Variants in DNM3 observed in about 807,000 individuals in gnomAD.
The protein encoded by DNM3 is dynamin 3.
In DNM3, 47 loss-of-function variants were observed where a neutral mutation model predicts 101.6. That is an observed-to-expected ratio of 0.46 (90% CI 0.37 to 0.59). DNM3 has a LOEUF of 0.59. DNM3 is among the 20% of genes least tolerant of loss of function. The pLI, the probability that DNM3 is intolerant of heterozygous loss-of-function variation, is 0.00. For synonymous variants in DNM3, 385 were observed against 387.9 expected (o/e 0.99, Z 0.09); for missense variants, 849 against 1,085.7 (o/e 0.78, Z 3.06).
chr1:172,048,539 A>G, intron 9 of DNM3, 73 bp from the exon 10 acceptor site: 1 of 1,483,814 alleles, frequency 6.7e-7, no homozygotes, highest in Non-Finnish European at 9.0e-7. Context: ...GTTAATTTAA[A>G]CATTTTTCAA....
At chr1:172,090,866 C>T (rs2053860234) in intron 12 of DNM3, among the ~76,000 whole-genome samples, 2 of 152,218 alleles carry the variant, frequency 1.3e-5, no homozygotes, top group African/African-American at 2.4e-5. Context: ...GAGCTTTAGT[C>T]TCCCTTTTCT....
At chr1:171,887,425 C>A (rs1433738305) in intron 1 of DNM3, among the ~76,000 whole-genome samples, 1 of 152,064 alleles carries the variant, frequency 6.6e-6, no homozygotes, top group Non-Finnish European at 1.5e-5. Flanking sequence ...TAAAAAATGT[C>A]TTCTGTATAC....
intron 6 of DNM3, among the ~76,000 whole-genome samples, chr1:172,036,487 G>A (rs1157151925): frequency 6.6e-6 from 1 of 151,794 alleles, no homozygotes; most frequent in African/African-American, 2.4e-5. Flanking sequence ...CAGAAATAAC[G>A]CCGCATATCT....
Position 172,263,390 on chromosome 1 carries a change from T to G in DNM3, c.1769+9708T>G, listed in dbSNP as rs147403836. On this transcript the variant is annotated intron_variant, in intron 15 of 20. Transcript: ENST00000627582. ...GGAATGAAATTCCAATTTATTCTGT[T>G]ATGCATTCCAAAGTATCAATGAAAT... Among the ~76,000 whole-genome samples, 8 of 152,346 alleles carry G rather than the reference T, an allele frequency of 5.3e-5. 1 individual carries two copies. The highest frequency in any genetic ancestry group is 8.8e-5 in the Non-Finnish European group (6 of 68,038).
chr1:172,408,718 A>G lies in DNM3; in HGVS notation c.*877A>G, dbSNP rs1488084428. On this transcript the variant is annotated 3_prime_UTR_variant, in exon 21 of 21. Transcript: ENST00000627582. ...GCATAGCTAACTACACTTTGATACT[A>G]ACTCCAGTTTTACTATTATTATTTT... is the stretch of plus-strand genomic sequence containing the variant. 3 of 984,584 alleles carry G rather than the reference A, an allele frequency of 3.0e-6. No individual in the cohort carries two copies. The highest frequency in any genetic ancestry group is 3.6e-6 in the Non-Finnish European group (3 of 829,188). 61.0% of individuals were successfully genotyped at this position (984,584 alleles called of 1,614,324 possible).
chr1:172,319,849 A>C (rs561881122), intron 16 of DNM3, among the ~76,000 whole-genome samples: 3 of 152,280 alleles, frequency 2.0e-5, no homozygotes, highest in East Asian at 1.9e-4. Flanking sequence ...CTAGAACTAG[A>C]AATACCATTT....
At chr1:172,183,429 A>G (rs2059414079) in intron 14 of DNM3, among the ~76,000 whole-genome samples, 1 of 152,150 alleles carries the variant, frequency 6.6e-6, no homozygotes, top group Admixed American at 6.6e-5. Flanking sequence ...ACTAAGAATT[A>G]TCTGTGTACC....
intron 17 of DNM3, among the ~76,000 whole-genome samples, chr1:172,343,389 T>C (rs1202917551): frequency 2.0e-5 from 3 of 146,866 alleles, no homozygotes; most frequent in Non-Finnish European, 3.0e-5. Flanking sequence ...AAATCCACTT[T>C]AAAAAAAAAA....
At chr1:172,262,972 C>T (rs1166215040) in intron 15 of DNM3, among the ~76,000 whole-genome samples, 1 of 152,128 alleles carries the variant, frequency 6.6e-6, no homozygotes, top group Non-Finnish European at 1.5e-5. Flanking sequence ...AGATGTATTT[C>T]CTCTTTTGCG....
chr1:172,280,597 T>C (rs953127612), intron 15 of DNM3, among the ~76,000 whole-genome samples: 1 of 152,204 alleles, frequency 6.6e-6, no homozygotes, highest in African/African-American at 2.4e-5. Context: ...TGTGAGGATA[T>C]AAAAATGGTA....
chr1:172,300,399 T>C (rs768567709), intron 15 of DNM3, among the ~76,000 whole-genome samples: 2 of 152,174 alleles, frequency 1.3e-5, no homozygotes, highest in Non-Finnish European at 2.9e-5. Context: ...TTTAATTAGG[T>C]CCCTCTTGTC....
At chr1:172,395,822 G>T (rs906991016) in intron 20 of DNM3, among the ~76,000 whole-genome samples, 1 of 152,196 alleles carries the variant, frequency 6.6e-6, no homozygotes, top group Non-Finnish European at 1.5e-5. Flanking sequence ...ACCAAATGCT[G>T]TCGCCAAAAG....
intron 20 of DNM3, among the ~76,000 whole-genome samples, chr1:172,402,902 C>T (rs1038702961): frequency 2.0e-5 from 3 of 152,112 alleles, no homozygotes; most frequent in Non-Finnish European, 1.5e-5. Flanking sequence ...AATTGAATTG[C>T]TAATAAAGCA....
chr1:172,009,921 A>T (rs370365298), intron 4 of DNM3, among the ~76,000 whole-genome samples: 1 of 151,762 alleles, frequency 6.6e-6, no homozygotes. Context: ...TCTTTGAATT[A>T]CTGAGACAGG....
chr1:172,165,403 A>G (rs2058709487), intron 14 of DNM3, among the ~76,000 whole-genome samples: 1 of 152,124 alleles, frequency 6.6e-6, no homozygotes, highest in Non-Finnish European at 1.5e-5. Flanking sequence ...TACACAAAAT[A>G]CAGCTTTTAT....
Position 172,340,703 on chromosome 1 carries a change from T to G in DNM3, c.1893+17363T>G, listed in dbSNP as rs116367954. Among the ~76,000 whole-genome samples the G allele has an allele frequency of 9.3e-3, 1,418 of 152,358 alleles. 31 individuals are homozygous for G. Among genetic ancestry groups the G allele is most frequent in the African/African-American group, 0.032 (1,339 of 41,578 alleles). Reference sequence around the variant, plus strand: ...GGGAAGGGGGAAGCAGAGACTATGGTGTTTTCTAGATAGACTATGGGGTTT... The same window carrying G: ...GGGAAGGGGGAAGCAGAGACTATGGGGTTTTCTAGATAGACTATGGGGTTT... On this transcript the variant is annotated intron_variant, in intron 17 of 20. Coordinates refer to ENST00000627582, the MANE Select transcript of DNM3 (RefSeq NM_015569.5).
intron 16 of DNM3, among the ~76,000 whole-genome samples, chr1:172,313,054 T>C (rs2148884603): frequency 6.6e-6 from 1 of 152,366 alleles, no homozygotes; most frequent in East Asian, 1.9e-4. Flanking sequence ...ACCAGTCACC[T>C]GATATTTCTG....
At chr1:172,001,364 C>G (rs182001227) in intron 4 of DNM3, among the ~76,000 whole-genome samples, 3 of 151,950 alleles carry the variant, frequency 2.0e-5, no homozygotes, top group African/African-American at 7.2e-5. Context: ...CTGGCTGAAC[C>G]GTTCACCCTT....
intron 4 of DNM3, among the ~76,000 whole-genome samples, chr1:172,018,500 G>T (rs1340306804): frequency 1.3e-5 from 2 of 152,128 alleles, no homozygotes; most frequent in Non-Finnish European, 2.9e-5. Context: ...TTGACTTTAT[G>T]ATGGTGAGAA....
Sources: gnomAD v4.1 joint callset for allele counts (sites outside exome capture counted in the v4.1 genomes callset) on GRCh38, gnomAD v4.1.1 for gene constraint, MANE v1.5 for transcripts, NCBI Gene and HGNC (gene_info 2026-07-23, HGNC 2026-07-21) for gene names.